ABCB7: variants seen among roughly 807,000 people sequenced by gnomAD.
The protein encoded by ABCB7 is ATP binding cassette subfamily B member 7, also known as iron-sulfur clusters transporter ABCB7, mitochondrial.
ABCB7 carries 7 observed loss-of-function variants against 54.4 expected under a neutral mutation model. The observed-to-expected ratio is 0.13, with a 90% CI of 0.07 to 0.24. The LOEUF is 0.24. Ranked by LOEUF, ABCB7 falls within the 10% of genes least tolerant of loss-of-function variation. The pLI is 1.00. For missense variants in ABCB7, 356 were observed against 570.4 expected (o/e 0.62, Z 3.83); for synonymous variants, 218 against 207.1 (o/e 1.05, Z -0.45).
intron 1 of ABCB7, among the ~76,000 whole-genome samples, chrX:75,134,877 A>C (rs1173033121): frequency 9.0e-6 from 1 of 111,651 alleles, no homozygotes; most frequent in Non-Finnish European, 1.9e-5. Context: ...AAAAGTTAGA[A>C]ATATCTCAAG....
chrX:75,070,786 A>C (rs930116167), intron 9 of ABCB7, among the ~76,000 whole-genome samples: 7 of 111,319 alleles, frequency 6.3e-5, no homozygotes, highest in Admixed American at 4.8e-4. Flanking sequence ...TTGAAGGCTA[A>C]AAATTTTCTG....
intron 13 of ABCB7, 109 bp downstream of exon 13, chrX:75,064,961 C>T (rs1268225085): frequency 1.1e-6 from 1 of 903,326 alleles, no homozygotes; most frequent in Non-Finnish European, 1.6e-6. Context: ...TGTGACTCAA[C>T]GAGCACTACA....
Position 75,069,016 on chromosome X carries a change from C to T in ABCB7, c.1650G>A (p.Val550=). ...SLESLRRAVG[V]VPQDAVLFHN... ...TTCTGTTTTTAAATACCTGAGGTAC[C>T]ACTCCCACTGCCCTCCGAAGGCTTT... is the stretch of plus-strand genomic sequence containing the variant. The change falls in exon 12 of 16, where the codon GTG becomes GTA. Residue 550 remains valine, a synonymous_variant. Coordinates refer to ENST00000373394, the MANE Select transcript of ABCB7 (RefSeq NM_001271696.3). 8.3e-7 allele frequency: 1 copy of T among 1,210,482 alleles called. No individual in the cohort carries two copies. Among genetic ancestry groups the T allele is most frequent in the Non-Finnish European group, 1.1e-6 (1 of 894,788 alleles).
rs1017312883 is a variant in ABCB7, at chrX:75,052,944, G to A, written c.*426C>T. The A allele has an allele frequency of 4.8e-5, 6 of 124,229 alleles. No individual in the cohort carries two copies. The highest frequency in any genetic ancestry group is 1.9e-4 in the African/African-American group (6 of 31,070). 10.2% of individuals were successfully genotyped at this position (124,229 alleles called of 1,213,427 possible). Reference sequence around the variant, plus strand: ...CATCAATTTCAATTGGACGAAGGAGGGAGAAGAAACAATGAACCTACACTA... The same window carrying A: ...CATCAATTTCAATTGGACGAAGGAGAGAGAAGAAACAATGAACCTACACTA... On this transcript the variant is annotated 3_prime_UTR_variant, in exon 16 of 16. Coordinates refer to ENST00000373394, the MANE Select transcript of ABCB7 (RefSeq NM_001271696.3).
At chrX:75,085,710 T>C (rs1382370048) in intron 4 of ABCB7, among the ~76,000 whole-genome samples, 2 of 111,481 alleles carry the variant, frequency 1.8e-5, no homozygotes, top group Non-Finnish European at 3.8e-5. Context: ...ATCAACCCAA[T>C]ATGAAGTTTC....
chrX:75,112,736 TG>T, intron 3 of ABCB7, 149 bp downstream of exon 3: 1 of 446,282 alleles, frequency 2.2e-6, no homozygotes, highest in Non-Finnish European at 3.8e-6. Context: ...CTATAAACTA[TG>T]GTCAATTAAT....
chrX:75,061,396 G>C (rs2081281199), intron 14 of ABCB7, among the ~76,000 whole-genome samples: 1 of 111,724 alleles, frequency 9.0e-6, no homozygotes, highest in Non-Finnish European at 1.9e-5. Context: ...ACATTTTTAG[G>C]TAAAAAGTTC....
At chrX:75,145,303 T>C (rs1284811590) in intron 1 of ABCB7, among the ~76,000 whole-genome samples, 3 of 111,120 alleles carry the variant, frequency 2.7e-5, no homozygotes, top group Non-Finnish European at 5.7e-5. Flanking sequence ...CCAATATCCT[T>C]AATGAACACT....
chrX:75,070,678 G>A (rs1390643578), intron 9 of ABCB7, among the ~76,000 whole-genome samples, 156 bp from the exon 10 acceptor site: 12 of 111,035 alleles, frequency 1.1e-4, no homozygotes, highest in Admixed American at 1.9e-4. Context: ...CCACGATTTA[G>A]GTAATACAGG....
chrX:75,113,837 C>A (rs1282199367), intron 2 of ABCB7, among the ~76,000 whole-genome samples: 2 of 111,845 alleles, frequency 1.8e-5, no homozygotes, highest in Non-Finnish European at 3.8e-5. Flanking sequence ...AAAGTGATTG[C>A]CATAAACAGG....
At chrX:75,062,239 C>T (rs2081286948) in intron 14 of ABCB7, 89 bp downstream of exon 14, 7 of 843,844 alleles carry the variant, frequency 8.3e-6, no homozygotes, top group Non-Finnish European at 1.2e-5. Flanking sequence ...GAAGTTTATT[C>T]AAAATACAAA....
chrX:75,056,558 A>G (rs956414890), intron 15 of ABCB7, among the ~76,000 whole-genome samples: 19 of 111,538 alleles, frequency 1.7e-4, no homozygotes, highest in African/African-American at 5.9e-4. Context: ...CTTCTCCAAA[A>G]AGTCTTGGCT....
chrX:75,078,354 T>A (rs2081428197), intron 4 of ABCB7, among the ~76,000 whole-genome samples: 1 of 111,835 alleles, frequency 8.9e-6, no homozygotes, highest in Non-Finnish European at 1.9e-5. Flanking sequence ...TCAATATTTA[T>A]CACTTTTATG....
chrX:75,103,932 T>G (rs1191458296), intron 3 of ABCB7, among the ~76,000 whole-genome samples: 1 of 108,961 alleles, frequency 9.2e-6, no homozygotes, highest in Non-Finnish European at 1.9e-5. Context: ...ACAATCTGAC[T>G]TCTTTCCCAA....
In ABCB7 at chrX:75,051,505, CCAAA is replaced by C. The variant is rs746654403; in HGVS notation, c.*1861_*1864del. On this transcript the variant is annotated 3_prime_UTR_variant, in exon 16 of 16. Coordinates refer to ENST00000373394, the MANE Select transcript of ABCB7 (RefSeq NM_001271696.3). ...ATGTTTTCAAATTGAATGATTACTA[CCAAA>C]CAAATGAAAGCAAGTTCATACTGGA... 1 of 112,093 alleles carries C rather than the reference CCAAA, an allele frequency of 8.9e-6. No individual in the cohort carries two copies. Among genetic ancestry groups the C allele is most frequent in the East Asian group, 2.8e-4 (1 of 3,592 alleles). The allele number at this position is 112,093 out of a possible 1,213,427, so 9.2% of individuals were successfully genotyped here. A position where few individuals can be genotyped will look rare whatever the true frequency, so the allele number is the denominator to read the frequency against.
At chrX:75,106,759 T>C (rs2081706083) in intron 3 of ABCB7, among the ~76,000 whole-genome samples, 1 of 111,470 alleles carries the variant, frequency 9.0e-6, no homozygotes, top group African/African-American at 3.3e-5. Flanking sequence ...CATCAACAGA[T>C]GAGTGAATAA....
At chrX:75,073,617 TATTAA>T in intron 8 of ABCB7, 67 bp downstream of exon 8, 1 of 806,701 alleles carries the variant, frequency 1.2e-6, no homozygotes, top group Non-Finnish European at 1.9e-6. Context: ...TTACAGTACC[TATTAA>T]ATTAAATGGT....
At chrX:75,113,436 C>T (rs1436538246) in intron 2 of ABCB7, among the ~76,000 whole-genome samples, 1 of 112,018 alleles carries the variant, frequency 8.9e-6, no homozygotes, top group Admixed American at 9.5e-5. Flanking sequence ...GTTGTACTTG[C>T]TCATATATAC....
chrX:75,128,198 A>G (rs1336971172), intron 1 of ABCB7, among the ~76,000 whole-genome samples: 1 of 111,718 alleles, frequency 9.0e-6, no homozygotes, highest in African/African-American at 3.3e-5. Flanking sequence ...ACTTCAAACT[A>G]TACTACAAGG....
Sources: allele counts gnomAD v4.1 joint callset (sites outside exome capture counted in the v4.1 genomes callset), GRCh38; gene constraint gnomAD v4.1.1; transcripts MANE v1.5; gene names NCBI Gene and HGNC (gene_info 2026-07-23, HGNC 2026-07-21).